Variants in PCDH9 observed in about 807,000 individuals in gnomAD.
The protein encoded by PCDH9 is protocadherin 9.
Under a neutral mutation model 70.6 loss-of-function variants are expected in PCDH9, and 24 were observed. The observed-to-expected ratio is 0.34, with a 90% CI of 0.25 to 0.48. The LOEUF is 0.48. PCDH9 is among the 20% of genes least tolerant of loss of function. The pLI is 0.99. For synonymous variants in PCDH9, 562 were observed against 558.5 expected (o/e 1.01, Z -0.09); for missense variants, 1,281 against 1,503.6 (o/e 0.85, Z 2.45).
intron 3 of PCDH9, among the ~76,000 whole-genome samples, chr13:66,872,545 C>A (rs563192346): frequency 6.6e-6 from 1 of 151,680 alleles, no homozygotes; most frequent in Non-Finnish European, 1.5e-5. Flanking sequence ...AAAAACAGCA[C>A]GAAGAAATTT....
intron 3 of PCDH9, among the ~76,000 whole-genome samples, chr13:66,801,396 T>C (rs1024092332): frequency 2.6e-5 from 4 of 152,126 alleles, no homozygotes; most frequent in Non-Finnish European, 5.9e-5. Flanking sequence ...AATCAAATGC[T>C]CATTGAGACT....
At chr13:66,989,172 C>T (rs1302267960) in intron 2 of PCDH9, among the ~76,000 whole-genome samples, 2 of 151,794 alleles carry the variant, frequency 1.3e-5, no homozygotes, top group African/African-American at 2.4e-5. Context: ...ATATATGTTA[C>T]AAATCATGAA....
intron 4 of PCDH9, among the ~76,000 whole-genome samples, chr13:66,376,886 A>G (rs1361614163): frequency 1.3e-5 from 2 of 152,142 alleles, no homozygotes; most frequent in Non-Finnish European, 2.9e-5. Context: ...GTTTTTTGTT[A>G]TTCCTGCTTT....
chr13:66,750,793 A>G (rs2079445186), intron 3 of PCDH9, among the ~76,000 whole-genome samples: 2 of 152,152 alleles, frequency 1.3e-5, no homozygotes, highest in Admixed American at 1.3e-4. Context: ...TATAAAAATA[A>G]AAAGAGCACA....
chr13:66,869,077 C>T (rs184427061), intron 3 of PCDH9, among the ~76,000 whole-genome samples: 7 of 152,202 alleles, frequency 4.6e-5, no homozygotes, highest in Admixed American at 2.6e-4. Flanking sequence ...TATGAGTTTA[C>T]TCAATGAAAA....
At chr13:67,143,759 G>A (rs2087453510) in intron 2 of PCDH9, among the ~76,000 whole-genome samples, 1 of 152,076 alleles carries the variant, frequency 6.6e-6, no homozygotes, top group Non-Finnish European at 1.5e-5. Context: ...AAAGCAGAAG[G>A]GAGAGAAAGT....
intron 4 of PCDH9, among the ~76,000 whole-genome samples, chr13:66,306,997 C>G (rs1460377136): frequency 1.3e-5 from 2 of 152,014 alleles, no homozygotes; most frequent in African/African-American, 4.8e-5. Context: ...TTTGCCGGGC[C>G]TGTTTTCATT....
intron 2 of PCDH9, among the ~76,000 whole-genome samples, chr13:67,027,269 C>T (rs1410521181): frequency 1.3e-5 from 2 of 152,096 alleles, no homozygotes; most frequent in Non-Finnish European, 2.9e-5. Context: ...CGCATATCCA[C>T]AACTATCTGA....
At chr13:67,060,333 G>A (rs2085514472) in intron 2 of PCDH9, among the ~76,000 whole-genome samples, 3 of 152,024 alleles carry the variant, frequency 2.0e-5, no homozygotes, top group Admixed American at 1.3e-4. Context: ...TCTGAAAAGT[G>A]AGGTAATTTT....
chr13:66,996,480 T>C (rs1386985871), intron 2 of PCDH9, among the ~76,000 whole-genome samples: 3 of 152,210 alleles, frequency 2.0e-5, no homozygotes, highest in Non-Finnish European at 4.4e-5. Context: ...GAAAAAAGAT[T>C]CTACTACATT....
At chr13:66,888,123 A>G (rs945883608) in intron 3 of PCDH9, among the ~76,000 whole-genome samples, 2 of 152,182 alleles carry the variant, frequency 1.3e-5, no homozygotes, top group Non-Finnish European at 2.9e-5. Flanking sequence ...TGAGAGTGAA[A>G]TGGGAAATTG....
chr13:66,465,318 T>C (rs529972689), intron 4 of PCDH9, among the ~76,000 whole-genome samples: 87 of 151,950 alleles, frequency 5.7e-4, no homozygotes, highest in Non-Finnish European at 9.7e-4. Flanking sequence ...ATAGAAATTT[T>C]GAGGGTCAAA....
intron 2 of PCDH9, among the ~76,000 whole-genome samples, chr13:67,175,130 T>C (rs2138460335): frequency 6.6e-6 from 1 of 152,168 alleles, no homozygotes; most frequent in South Asian, 2.1e-4. Flanking sequence ...AAAGAGATCC[T>C]GTCTCTAAAA....
intron 2 of PCDH9, among the ~76,000 whole-genome samples, chr13:67,156,847 G>C (rs1435857644): frequency 6.6e-6 from 1 of 152,072 alleles, no homozygotes; most frequent in Non-Finnish European, 1.5e-5. Flanking sequence ...ACAGCCTGCC[G>C]TCTGTATGCT....
chr13:66,603,737 C>A (rs2077190060), intron 4 of PCDH9, among the ~76,000 whole-genome samples: 1 of 151,882 alleles, frequency 6.6e-6, no homozygotes, highest in African/African-American at 2.4e-5. Flanking sequence ...AGTTTCTTTA[C>A]AATTATTTGA....
At chr13:67,029,744 A>C (rs1484861415) in intron 2 of PCDH9, among the ~76,000 whole-genome samples, 1 of 152,174 alleles carries the variant, frequency 6.6e-6, no homozygotes, top group African/African-American at 2.4e-5. Context: ...ATAAATAATA[A>C]TACTCACCTA....
chr13:66,933,117 T>C (rs544009621), intron 2 of PCDH9, among the ~76,000 whole-genome samples: 82 of 152,078 alleles, frequency 5.4e-4, no homozygotes, highest in Non-Finnish European at 1.0e-3. Flanking sequence ...CTCAGTGTTA[T>C]AGGAAACCAA....
intron 2 of PCDH9, among the ~76,000 whole-genome samples, chr13:67,000,622 A>G (rs1190516662): frequency 1.2e-4 from 19 of 152,128 alleles, no homozygotes; most frequent in Admixed American, 1.2e-3. Flanking sequence ...TAAACTAAAT[A>G]TATTTAACTA....
chr13:66,942,458 A>T (rs2083021518), intron 2 of PCDH9, among the ~76,000 whole-genome samples: 1 of 151,974 alleles, frequency 6.6e-6, no homozygotes, highest in Admixed American at 6.6e-5. Context: ...AGAAAAAAAC[A>T]AAGAAATGTT....
Sources: gnomAD v4.1 joint callset for allele counts (sites outside exome capture counted in the v4.1 genomes callset) on GRCh38, gnomAD v4.1.1 for gene constraint, MANE v1.5 for transcripts, NCBI Gene and HGNC (gene_info 2026-07-23, HGNC 2026-07-21) for gene names.